PRDM8: variants seen among roughly 807,000 people sequenced by gnomAD.
PRDM8 encodes PR/SET domain 8, also known as PR domain zinc finger protein 8.
Under a neutral mutation model 46.5 loss-of-function variants are expected in PRDM8, and 13 were observed. The observed-to-expected ratio is 0.28, with a 90% CI of 0.18 to 0.44. The LOEUF is 0.44. Ranked by LOEUF, PRDM8 falls within the 20% of genes least tolerant of loss-of-function variation. The pLI is 1.00. For missense variants in PRDM8, 998 were observed against 955.0 expected (o/e 1.04, Z -0.59); for synonymous variants, 473 against 438.4 (o/e 1.08, Z -0.98).
intron 1 of PRDM8, among the ~76,000 whole-genome samples, chr4:80,189,158 A>G (rs1269415327): frequency 6.6e-6 from 1 of 152,068 alleles, no homozygotes; most frequent in Non-Finnish European, 1.5e-5. Flanking sequence ...TTCTCTGCCC[A>G]CCCCCAGACC....
intron 2 of PRDM8, 46 bp from the exon 3 acceptor site, chr4:80,201,244 T>C: frequency 6.5e-7 from 1 of 1,538,164 alleles, no homozygotes; most frequent in Non-Finnish European, 9.0e-7. Flanking sequence ...TGAGGGTCCC[T>C]CTCCCCCTCT....
chr4:80,200,714 G>GGTAA (rs1432974059), intron 2 of PRDM8, among the ~76,000 whole-genome samples: 6 of 152,078 alleles, frequency 3.9e-5, no homozygotes, highest in Admixed American at 6.6e-5. Context: ...TAGTTTCTTT[G>GGTAA]GTAATATTAG....
chr4:80,198,498 G>A (rs1249262973), intron 1 of PRDM8, among the ~76,000 whole-genome samples: 2 of 152,178 alleles, frequency 1.3e-5, no homozygotes, highest in Admixed American at 1.3e-4. Flanking sequence ...AAAAAATCAG[G>A]ATGTCTACCT....
At chr4:80,192,454 A>C (rs1403642948) in intron 2 of PRDM8, among the ~76,000 whole-genome samples, 2 of 152,298 alleles carry the variant, frequency 1.3e-5, no homozygotes, top group Non-Finnish European at 2.9e-5. Flanking sequence ...TCAAAATTTC[A>C]TTTGAGACTG....
chr4:80,198,167 C>T (rs547459040), intron 1 of PRDM8, among the ~76,000 whole-genome samples: 1 of 152,352 alleles, frequency 6.6e-6, no homozygotes, highest in African/African-American at 2.4e-5. Flanking sequence ...GGCTCTTGCC[C>T]AGCGGTTATT....
upstream of PRDM8, chr4:80,196,603 T>C (rs1054763236): frequency 5.2e-5 from 51 of 985,106 alleles, no homozygotes; most frequent in Non-Finnish European, 5.9e-5. Flanking sequence ...CCCATCTTGG[T>C]AATCATTTTT....
At chr4:80,188,649 G>A (rs552856347) in intron 1 of PRDM8, among the ~76,000 whole-genome samples, 23 of 152,344 alleles carry the variant, frequency 1.5e-4, no homozygotes, top group African/African-American at 5.5e-4. Flanking sequence ...TCCTTCAGGA[G>A]GAAGAGCAAC....
Position 80,200,120 on chromosome 4 carries a change from G to A in PRDM8, c.40G>A (p.Asp14Asn), listed in dbSNP as rs1274150288. Reference sequence around the variant, plus strand: ...CATCCAGCGAGGCATCTGGGATGGAGATGCCAAGGCTGTCCAACAATGTCT... The same window carrying A: ...CATCCAGCGAGGCATCTGGGATGGAAATGCCAAGGCTGTCCAACAATGTCT... ...TGIQRGIWDG[D>N]AKAVQQCLTD... The change falls in exon 2 of 4, where the codon GAT becomes AAT. Residue 14 changes from aspartate (D) to asparagine (N), a missense_variant. Physicochemically the swap from Asp to Asn is conservative, Grantham distance 23. Transcript: ENST00000415738. The A allele has an allele frequency of 9.3e-6, 15 of 1,613,980 alleles. No homozygotes were observed. The highest frequency in any genetic ancestry group is 1.2e-5 in the Non-Finnish European group (14 of 1,180,010).
At position 80,204,095 on chromosome 4, in the gene PRDM8, TGA is replaced by T. The variant is rs1341785714; in HGVS notation, c.*565_*566del. ...AATAAAAAGGGATCACCATTCAATT[TGA>T]GTTTCCAGGGGGAAGTGCATGTATA... is the stretch of plus-strand genomic sequence containing the variant. On this transcript the variant is annotated 3_prime_UTR_variant, in exon 4 of 4. Coordinates refer to ENST00000415738, the MANE Select transcript of PRDM8 (RefSeq NM_001099403.2). 4 of 152,764 alleles carry T rather than the reference TGA, an allele frequency of 2.6e-5. No individual in the cohort carries two copies. Among genetic ancestry groups the T allele is most frequent in the Non-Finnish European group, 5.9e-5 (4 of 68,126 alleles). The allele number at this position is 152,764 out of a possible 1,614,324, so 9.5% of individuals were successfully genotyped here.
At chr4:80,186,286 C>CT (rs3834215) in intron 1 of PRDM8, among the ~76,000 whole-genome samples, 68,264 of 150,248 alleles carry the variant, frequency 0.45, 16,460 homozygotes, top group Non-Finnish European at 0.55. Context: ...TATTAGGAGC[C>CT]TTTTTTTTTC....
rs534869665 is a variant in PRDM8 at position 80,203,660 on chromosome 4, G to GCCCCCCCCC, written c.*135_*136insCCCCCCCCC. ...CTGCACAAAGACACATACATTCACC[G>GCCCCCCCCC]CCCCCCCGCCCCCCCAACGCGCACA... On this transcript the variant is annotated 3_prime_UTR_variant, in exon 4 of 4. Coordinates refer to ENST00000415738, the MANE Select transcript of PRDM8 (RefSeq NM_001099403.2). The GCCCCCCCCC allele has an allele frequency of 7.4e-7, 1 of 1,349,432 alleles. No individual in the cohort carries two copies. The highest frequency in any genetic ancestry group is 9.5e-7 in the Non-Finnish European group (1 of 1,057,320). 83.6% of individuals were successfully genotyped at this position (1,349,432 alleles called of 1,614,324 possible). A position where few individuals can be genotyped will look rare whatever the true frequency, so the allele number is the denominator to read the frequency against.
chr4:80,196,710 GA>G (rs1374293824), upstream of PRDM8: 1 of 918,448 alleles, frequency 1.1e-6, no homozygotes, highest in African/African-American at 1.8e-5. Flanking sequence ...GCACCAAGCA[GA>G]GGGGGGGAAA....
chr4:80,199,594 C>G (rs985197880), intron 1 of PRDM8, among the ~76,000 whole-genome samples: 1 of 151,988 alleles, frequency 6.6e-6, no homozygotes, highest in Non-Finnish European at 1.5e-5. Flanking sequence ...AGCTCCCGGG[C>G]ACCCAGTTCA....
At position 80,202,546 on chromosome 4, in the gene PRDM8, T is replaced by A. The variant is rs2109879102; in HGVS notation, c.1084T>A (p.Phe362Ile). The A allele has an allele frequency of 1.3e-6, 2 of 1,530,342 alleles. No individual in the cohort carries two copies. Among genetic ancestry groups the A allele is most frequent in the Non-Finnish European group, 1.7e-6 (2 of 1,143,542 alleles). The allele number at this position is 1,530,342 out of a possible 1,614,324, so 94.8% of individuals were successfully genotyped here. Residue 362 changes from phenylalanine to isoleucine, a missense_variant, in exon 4 of 4, where the codon TTC becomes ATC. Physicochemically the swap from Phe to Ile is conservative, Grantham distance 21. Transcript: ENST00000415738. ...PQQYRASGSY[F>I]GLEENGRLFA... ...GCAGTACCGAGCCTCGGGCAGCTAC[T>A]TCGGCCTGGAAGAGAACGGCCGCCT... is the stretch of plus-strand genomic sequence containing the variant.
chr4:80,191,730 C>T (rs556673878), intron 2 of PRDM8, among the ~76,000 whole-genome samples: 4 of 152,284 alleles, frequency 2.6e-5, no homozygotes, highest in South Asian at 4.1e-4. Context: ...AAAACTAACA[C>T]CTCTTCATAT....
In PRDM8 at chr4:80,202,096, C is replaced by T; in HGVS notation, c.634C>T (p.Gln212Ter). The T allele has an allele frequency of 1.4e-6, 2 of 1,474,960 alleles. No homozygotes were observed. Among genetic ancestry groups the T allele is most frequent in the Non-Finnish European group, 1.8e-6 (2 of 1,091,754 alleles). The allele number at this position is 1,474,960 out of a possible 1,614,324, so 91.4% of individuals were successfully genotyped here. ...HGGGGGGGKD[Q>*]QQQQQEAPLG... ...GGGCGGCGGCGGCGGTGGCAAAGACCAGCAGCAGCAGCAGCAGGAGGCACC... is the reference window on the plus strand; with the variant it reads ...GGGCGGCGGCGGCGGTGGCAAAGACTAGCAGCAGCAGCAGCAGGAGGCACC... The change falls in exon 4 of 4, where the codon CAG (glutamine) becomes TAG (stop). Residue 212 changes from glutamine to a stop codon, truncating the protein, a stop_gained. Coordinates refer to ENST00000415738, the MANE Select transcript of PRDM8 (RefSeq NM_001099403.2). LOFTEE classifies it high-confidence loss of function.
intron 1 of PRDM8, among the ~76,000 whole-genome samples, chr4:80,188,802 G>A (rs1037522220): frequency 2.0e-5 from 3 of 152,256 alleles, no homozygotes; most frequent in Admixed American, 1.3e-4. Flanking sequence ...CGTGGGCTAG[G>A]AGAAGGAGGC....
upstream of PRDM8, among the ~76,000 whole-genome samples, chr4:80,194,825 C>T (rs1737820276): frequency 6.6e-6 from 1 of 152,164 alleles, no homozygotes; most frequent in African/African-American, 2.4e-5. Context: ...AAATTGCTCC[C>T]TTCTCAGATG....
rs1330185577 is a variant in PRDM8, at chr4:80,202,198, C to T, written c.736C>T (p.Pro246Ser). 8 of 1,612,076 alleles carry T rather than the reference C, an allele frequency of 5.0e-6. No homozygotes were observed. Among genetic ancestry groups the T allele is most frequent in the South Asian group, 1.1e-5 (1 of 91,056 alleles). ...YPSPSPESSN[P>S]SAAAGGSSAK... is the part of the protein sequence containing the mutation. ...ATCCCCCTCCCCGGAAAGCAGCAACCCATCCGCTGCCGCCGGCGGCAGCAG... is the reference window on the plus strand; with the variant it reads ...ATCCCCCTCCCCGGAAAGCAGCAACTCATCCGCTGCCGCCGGCGGCAGCAG... Residue 246 changes from proline (P) to serine (S), a missense_variant, in exon 4 of 4, where the codon CCA becomes TCA. Pro to Ser is a moderately conservative substitution (Grantham distance 74). Transcript: ENST00000415738.
Sources: gnomAD v4.1 joint callset for allele counts (sites outside exome capture counted in the v4.1 genomes callset) on GRCh38, gnomAD v4.1.1 for gene constraint, MANE v1.5 for transcripts, NCBI Gene and HGNC (gene_info 2026-07-23, HGNC 2026-07-21) for gene names.